Variants in CALN1 observed in about 807,000 individuals in gnomAD.
CALN1 encodes the protein calcium-binding protein 8.
A neutral mutation model predicts 30.6 loss-of-function variants in CALN1; 17 were observed. The ratio of observed to expected loss-of-function variants is 0.56; its 90% CI spans 0.38 to 0.83. The LOEUF (loss-of-function observed/expected upper bound fraction) is 0.83, where lower values mean the gene tolerates loss of function less well. CALN1 is among the 40% of genes least tolerant of loss of function. The pLI, the probability that CALN1 is intolerant of heterozygous loss-of-function variation, is 0.00. For synonymous variants in CALN1, 156 were observed against 131.4 expected (o/e 1.19, Z -1.28); for missense variants, 291 against 354.9 (o/e 0.82, Z 1.45).
chr7:72,335,930 G>T (rs1801995341), intron 2 of CALN1, among the ~76,000 whole-genome samples: 1 of 152,192 alleles, frequency 6.6e-6, no homozygotes, highest in Non-Finnish European at 1.5e-5. Flanking sequence ...CCAAGTCTCG[G>T]GAAGTTCACT....
At chr7:72,375,125 A>G (rs1804480910) in intron 2 of CALN1, among the ~76,000 whole-genome samples, 1 of 152,226 alleles carries the variant, frequency 6.6e-6, no homozygotes, top group Non-Finnish European at 1.5e-5. Context: ...AATTACCACC[A>G]TCAGTGGCTT....
intron 5 of CALN1, among the ~76,000 whole-genome samples, chr7:71,926,849 C>T (rs1795296530): frequency 6.6e-6 from 1 of 152,030 alleles, no homozygotes; most frequent in African/African-American, 2.4e-5. Context: ...TTTCTTTAGA[C>T]TCTTTCTTAT....
intron 3 of CALN1, among the ~76,000 whole-genome samples, chr7:72,239,441 C>T (rs1461496117): frequency 6.6e-6 from 1 of 152,124 alleles, no homozygotes; most frequent in Admixed American, 6.6e-5. Context: ...GATTCTGTGA[C>T]GCTCTGCTGT....
intron 5 of CALN1, among the ~76,000 whole-genome samples, chr7:71,811,455 C>A (rs1345552916): frequency 1.3e-5 from 2 of 149,218 alleles, no homozygotes; most frequent in Non-Finnish European, 1.5e-5. Context: ...GTACTCCTGC[C>A]TTGGCCTCCT....
chr7:72,125,651 T>C (rs900339707), intron 3 of CALN1, among the ~76,000 whole-genome samples: 3 of 152,080 alleles, frequency 2.0e-5, no homozygotes, highest in Non-Finnish European at 2.9e-5. Context: ...GTGGGTTTTG[T>C]TACATGGATA....
intron 2 of CALN1, among the ~76,000 whole-genome samples, chr7:72,291,435 A>C (rs553606832): frequency 6.6e-6 from 1 of 152,298 alleles, no homozygotes; most frequent in African/African-American, 2.4e-5. Context: ...GTTCACAGAG[A>C]TCCCCGTCCA....
intron 2 of CALN1, among the ~76,000 whole-genome samples, chr7:72,279,232 G>A (rs1408043306): frequency 6.6e-6 from 1 of 152,078 alleles, no homozygotes; most frequent in Non-Finnish European, 1.5e-5. Context: ...TGTCTTGTCT[G>A]TGATCAAGCA....
intron 2 of CALN1, among the ~76,000 whole-genome samples, chr7:72,389,992 T>C (rs1237321358): frequency 6.6e-6 from 1 of 151,826 alleles, no homozygotes; most frequent in Non-Finnish European, 1.5e-5. Flanking sequence ...GTTTGATATT[T>C]GCCAAAATAT....
At chr7:72,428,311 A>G (rs1307322610) in intron 1 of CALN1, among the ~76,000 whole-genome samples, 1 of 152,246 alleles carries the variant, frequency 6.6e-6, no homozygotes, top group Non-Finnish European at 1.5e-5. Flanking sequence ...AAGTGGCCCA[A>G]AGCAGGAAGA....
At chr7:71,855,041 G>A (rs573084379) in intron 5 of CALN1, among the ~76,000 whole-genome samples, 2 of 152,208 alleles carry the variant, frequency 1.3e-5, no homozygotes, top group Non-Finnish European at 2.9e-5. Context: ...GCCGATGGCT[G>A]AAAGTGATTT....
At chr7:72,202,710 G>C (rs1217993700) in intron 3 of CALN1, among the ~76,000 whole-genome samples, 1 of 152,146 alleles carries the variant, frequency 6.6e-6, no homozygotes. Context: ...TAACATGCTT[G>C]GCTGTTTTTG....
At chr7:71,991,002 A>G (rs191891024) in intron 5 of CALN1, among the ~76,000 whole-genome samples, 244 of 150,652 alleles carry the variant, frequency 1.6e-3, no homozygotes, top group Non-Finnish European at 2.6e-3. Context: ...CAGAGGACCA[A>G]CATCAGAATG....
chr7:72,484,752 A>G, the CALN1 span, among the ~76,000 whole-genome samples: 4 of 152,238 alleles, frequency 2.6e-5, no homozygotes, highest in South Asian at 2.1e-4. Context: ...CCACTCCCAC[A>G]ACACTGCCTG....
At position 72,330,411 on chromosome 7, in the gene CALN1, G is replaced by A. The variant is rs891729917; in HGVS notation, c.120-51601C>T. On this transcript the variant is annotated intron_variant, in intron 2 of 6. Coordinates refer to ENST00000395275, the MANE Select transcript of CALN1 (RefSeq NM_031468.4). ...TGAATCCAGTAAGCAGAGGCTGCAG[G>A]GAGCCAAGATCGTGCCACTGCACTC... Among the ~76,000 whole-genome samples the A allele has an allele frequency of 4.0e-5, 6 of 150,434 alleles. No homozygotes were observed. In the South Asian group the frequency reaches 1.3e-3, roughly 32 times the overall value.
chr7:71,913,555 T>C (rs1794535721), intron 5 of CALN1, among the ~76,000 whole-genome samples: 1 of 151,950 alleles, frequency 6.6e-6, no homozygotes, highest in Non-Finnish European at 1.5e-5. Flanking sequence ...TTGCAAAAGG[T>C]TTTATTGTTT....
In CALN1 at chr7:72,324,559, A is replaced by AATTTTATTTATTT. The variant is rs957219161; in HGVS notation, c.120-45750_120-45749insAAATAAATAAAAT. 1.3e-3 allele frequency among the ~76,000 whole-genome samples: 172 copies of AATTTTATTTATTT among 129,974 alleles called. 2 individuals are homozygous for AATTTTATTTATTT. Among genetic ancestry groups the AATTTTATTTATTT allele is most frequent in the East Asian group, 6.4e-3 (31 of 4,872 alleles). The allele number at this position is 129,974 out of a possible 152,430, so 85.3% of individuals were successfully genotyped here. ...CTTTTTCCCTCCTTTTAAATGATGT[A>AATTTTATTTATTT]ATTTATTTATTTATTTATTTATTTA... On this transcript the variant is annotated intron_variant, in intron 2 of 6. Coordinates refer to ENST00000395275, the MANE Select transcript of CALN1 (RefSeq NM_031468.4).
chr7:71,993,804 T>C (rs1305196018), intron 5 of CALN1, among the ~76,000 whole-genome samples: 1 of 151,094 alleles, frequency 6.6e-6, no homozygotes. Context: ...AAAAATTCCA[T>C]CATCATCATT....
At chr7:71,973,819 G>T (rs573330219) in intron 5 of CALN1, among the ~76,000 whole-genome samples, 1 of 152,120 alleles carries the variant, frequency 6.6e-6, no homozygotes, top group South Asian at 2.1e-4. Flanking sequence ...TAAGTAAAAA[G>T]AAAACTTCCA....
chr7:71,913,455 C>G (rs1562895038), intron 5 of CALN1, among the ~76,000 whole-genome samples: 1 of 152,210 alleles, frequency 6.6e-6, no homozygotes, highest in Admixed American at 6.5e-5. Flanking sequence ...TAGGTACTAA[C>G]TATAGAATTC....
Sources: gnomAD v4.1 joint callset for allele counts (sites outside exome capture counted in the v4.1 genomes callset) on GRCh38, gnomAD v4.1.1 for gene constraint, MANE v1.5 for transcripts, NCBI Gene and HGNC (gene_info 2026-07-23, HGNC 2026-07-21) for gene names.